ATP8B1: variants seen among roughly 807,000 people sequenced by gnomAD.
The protein encoded by ATP8B1 is phospholipid-transporting ATPase IC.
A neutral mutation model predicts 149.9 loss-of-function variants in ATP8B1; 80 were observed. The ratio of observed to expected loss-of-function variants is 0.53; its 90% CI spans 0.45 to 0.64. The LOEUF is 0.64. Among genes scored for constraint, ATP8B1 ranks in the 30% least tolerant of loss-of-function variants. The pLI, the probability that ATP8B1 is intolerant of heterozygous loss-of-function variation, is 0.00. For missense variants in ATP8B1, 1,247 were observed against 1,552.6 expected (o/e 0.80, Z 3.31); for synonymous variants, 536 against 562.8 (o/e 0.95, Z 0.67).
chr18:57,655,441 C>T, intron 22 of ATP8B1, 24 bp from the exon 23 acceptor site: 1 of 1,603,578 alleles, frequency 6.2e-7, no homozygotes, highest in South Asian at 1.1e-5. Flanking sequence ...GGAGAAAACA[C>T]TGTGGATCAT....
At position 57,706,537 on chromosome 18, in the gene ATP8B1, G is replaced by A. The variant is rs2049029795; in HGVS notation, c.232C>T (p.His78Tyr). 5.6e-6 allele frequency: 9 copies of A among 1,614,090 alleles called. No individual in the cohort carries two copies. Among genetic ancestry groups the A allele is most frequent in the Non-Finnish European group, 7.6e-6 (9 of 1,179,994 alleles). The change falls in exon 3 of 28, where the codon CAC becomes TAC. Residue 78 changes from histidine (H) to tyrosine (Y), a missense_variant. Physicochemically the swap from His to Tyr is moderately conservative, Grantham distance 83 (BLOSUM62 2). This residue lies in a region of ATP8B1 where 853 missense variants were observed against 1,035.7 expected (regional missense o/e 0.82). Coordinates refer to ENST00000648908, the MANE Select transcript of ATP8B1 (RefSeq NM_001374385.1). ...CACAAGAATTTTGTGTTCATAAAGT[G>A]AGGTTGTTCGTGGTACTTGCGATCG... Reference protein sequence around the residue: ...ANDRKYHEQPHFMNTKFLCIK... With the variant: ...ANDRKYHEQPYFMNTKFLCIK...
At chr18:57,702,226 T>C (rs1389867130) in intron 4 of ATP8B1, among the ~76,000 whole-genome samples, 1 of 152,198 alleles carries the variant, frequency 6.6e-6, no homozygotes, top group African/African-American at 2.4e-5. Flanking sequence ...CCTTCCTCCA[T>C]CAAGACAGCC....
intron 1 of ATP8B1, among the ~76,000 whole-genome samples, chr18:57,780,209 T>C (rs969468063): frequency 2.0e-5 from 3 of 152,240 alleles, no homozygotes; most frequent in African/African-American, 7.2e-5. Flanking sequence ...CATTAGTTTT[T>C]AATCTTTTGC....
In ATP8B1 at chr18:57,688,461, G is replaced by A; in HGVS notation, c.1267C>T (p.Leu423=). The A allele has an allele frequency of 6.2e-7, 1 of 1,614,184 alleles. No homozygotes were observed. Among genetic ancestry groups the A allele is most frequent in the Non-Finnish European group, 8.5e-7 (1 of 1,180,046 alleles). ...TCCTTCTCAGCATAGTACATTTGCA[G>A]GTCCCAGTTGATGAAGTGACTCTGT... ...LGQSHFINWD[L]QMYYAEKDTP... The change falls in exon 13 of 28, where the codon CTG becomes TTG. Residue 423 remains leucine (L), a synonymous_variant. Transcript: ENST00000648908.
chr18:57,731,705 C>G lies in ATP8B1; in HGVS notation c.103G>C (p.Asp35His), dbSNP rs2079767416. 1 of 1,614,036 alleles carries G rather than the reference C, an allele frequency of 6.2e-7. No individual in the cohort carries two copies. The highest frequency in any genetic ancestry group is 1.7e-5 in the Admixed American group (1 of 59,986). ...SDDETEDELDDQGSAVEPEQN... is the reference protein window; with the variant it reads ...SDDETEDELDHQGSAVEPEQN... The stretch of plus-strand genomic sequence containing the variant: ...TCTGGTTCAACAGCAGACCCCTGGT[C>G]ATCAAGTTCATCTTCTGTTTCATCA... Residue 35 changes from aspartate (D) to histidine (H), a missense_variant, in exon 2 of 28, where the codon GAC (aspartate) becomes CAC (histidine). By Grantham distance (81) the Asp-to-His change is moderately conservative (BLOSUM62 -1). Around this residue, in one of 3 missense-constraint regions of ATP8B1, gnomAD observed 853 missense variants for 1,035.7 expected, o/e 0.82. Coordinates refer to ENST00000648908, the MANE Select transcript of ATP8B1 (RefSeq NM_001374385.1).
Position 57,655,402 on chromosome 18 carries a change from A to C in ATP8B1, c.2723T>G (p.Val908Gly). Residue 908 changes from valine (V) to glycine (G), a missense_variant, in exon 23 of 28, where the codon GTT (valine) becomes GGT (glycine). Val to Gly is a moderately radical substitution (Grantham distance 109). Coordinates refer to ENST00000648908, the MANE Select transcript of ATP8B1 (RefSeq NM_001374385.1). Reference sequence around the variant, plus strand: ...CATTCCTTCTTGTCCACTTATTCCAACGCCAATGTGGGCAGCTATGGGGCA... The same window carrying C: ...CATTCCTTCTTGTCCACTTATTCCACCGCCAATGTGGGCAGCTATGGGGCA... ...VNMIKTAHIG[V>G]GISGQEGMQA... is the part of the protein sequence containing the mutation. The C allele has an allele frequency of 1.2e-6, 2 of 1,614,202 alleles. No homozygotes were observed. Among genetic ancestry groups the C allele is most frequent in the African/African-American group, 2.7e-5 (2 of 75,070 alleles).
intron 9 of ATP8B1, 46 bp downstream of exon 9, chr18:57,695,404 C>G (rs2122894151): frequency 6.3e-7 from 1 of 1,592,868 alleles, no homozygotes; most frequent in East Asian, 2.2e-5. Context: ...GGAATTGAAC[C>G]AAGCAACTAA....
intron 1 of ATP8B1, among the ~76,000 whole-genome samples, chr18:57,788,352 G>T (rs1378900269): frequency 6.6e-6 from 1 of 152,158 alleles, no homozygotes; most frequent in Non-Finnish European, 1.5e-5. Context: ...CCAGGAGTTT[G>T]AGATCAGCTT....
intron 1 of ATP8B1, among the ~76,000 whole-genome samples, chr18:57,778,186 T>C (rs1017253781): frequency 1.3e-5 from 2 of 152,112 alleles, no homozygotes; most frequent in African/African-American, 4.8e-5. Context: ...ATTTAGCAGT[T>C]TGAACCACAA....
At chr18:57,650,563 C>T in intron 26 of ATP8B1, 66 bp from the exon 27 acceptor site, 2 of 1,574,326 alleles carry the variant, frequency 1.3e-6, no homozygotes, top group African/African-American at 1.4e-5. Flanking sequence ...TAATATTTCG[C>T]CAGGTGTGGT....
intron 1 of ATP8B1, among the ~76,000 whole-genome samples, chr18:57,751,462 A>G (rs1266486512): frequency 2.6e-5 from 4 of 151,956 alleles, no homozygotes; most frequent in Non-Finnish European, 2.9e-5. Flanking sequence ...TTGAAAAAAA[A>G]AAAAAGGGAA....
intron 1 of ATP8B1, among the ~76,000 whole-genome samples, chr18:57,801,432 A>T (rs574784588): frequency 6.1e-4 from 93 of 152,376 alleles, no homozygotes; most frequent in African/African-American, 2.1e-3. Context: ...AGCATTAATC[A>T]TCTTGTGCAC....
In ATP8B1 at chr18:57,683,930, G is replaced by A. The variant is rs371373402; in HGVS notation, c.1630+106C>T. The stretch of plus-strand genomic sequence containing the variant: ...AGAAATATTCACTGCATTCTAATAT[G>A]AGACAGATTTGTGTACTACTTGACA... On this transcript the variant is annotated intron_variant, in intron 15 of 27. Transcript: ENST00000648908. 154 of 1,393,346 alleles carry A rather than the reference G, an allele frequency of 1.1e-4. No individual in the cohort carries two copies. In the African/African-American group the frequency reaches 1.9e-3, roughly 17 times the overall value. 86.3% of individuals were successfully genotyped at this position (1,393,346 alleles called of 1,614,324 possible).
intron 3 of ATP8B1, among the ~76,000 whole-genome samples, 189 bp from the exon 4 acceptor site, chr18:57,704,857 G>A (rs1436358020): frequency 2.0e-5 from 3 of 152,168 alleles, no homozygotes; most frequent in Admixed American, 2.0e-4. Flanking sequence ...ACCGAGGTGG[G>A]TGGATCACCT....
Position 57,652,614 on chromosome 18 carries a change from G to A in ATP8B1, c.3131C>T (p.Ser1044Leu). ...AAGAGGTATGAAGAAGAGGATCATC[G>A]ATGTTAGGACCCCATGCAACAAGCT... The part of the protein sequence containing the change: ...FVSLLHGVLT[S>L]MILFFIPLGA... The change falls in exon 25 of 28, where the codon TCG becomes TTG. Residue 1044 changes from serine (S) to leucine (L), a missense_variant. Transcript: ENST00000648908. 6.8e-6 allele frequency: 11 copies of A among 1,614,144 alleles called. No individual in the cohort carries two copies. Among genetic ancestry groups the A allele is most frequent in the African/African-American group, 2.7e-5 (2 of 75,038 alleles).
intron 2 of ATP8B1, among the ~76,000 whole-genome samples, chr18:57,725,615 A>G (rs2079698613): frequency 6.6e-6 from 1 of 152,224 alleles, no homozygotes; most frequent in Non-Finnish European, 1.5e-5. Context: ...GAATCACACT[A>G]CCTGACTTCA....
chr18:57,674,965 C>T lies in ATP8B1; in HGVS notation c.1688G>A (p.Arg563Lys). 2 of 1,614,238 alleles carry T rather than the reference C, an allele frequency of 1.2e-6. No individual in the cohort carries two copies. Residue 563 changes from arginine to lysine, a missense_variant, in exon 16 of 28, where the codon AGG becomes AAG. Physicochemically the swap from Arg to Lys is conservative, Grantham distance 26 (BLOSUM62 2). This residue lies in a region of ATP8B1 where 853 missense variants were observed against 1,035.7 expected (regional missense o/e 0.82). Coordinates refer to ENST00000648908, the MANE Select transcript of ATP8B1 (RefSeq NM_001374385.1). ...PDEGALVNAA[R>K]NFGFAFLART... ...GGCGAGGAAGGCAAAGCCAAAGTTC[C>T]TGGCAGCGTTTACCAGGGCACCTTC...
At chr18:57,788,598 G>A (rs899031195) in intron 1 of ATP8B1, among the ~76,000 whole-genome samples, 8 of 151,324 alleles carry the variant, frequency 5.3e-5, no homozygotes, top group African/African-American at 1.7e-4. Context: ...AAAATTAACT[G>A]CTCATCACTG....
intron 6 of ATP8B1, 58 bp from the exon 7 acceptor site, chr18:57,697,925 A>G (rs931057807): frequency 7.0e-7 from 1 of 1,435,680 alleles, no homozygotes; most frequent in East Asian, 2.3e-5. Context: ...CAAGGGAATT[A>G]CTATTCTTTC....
Sources: allele counts gnomAD v4.1 joint callset (sites outside exome capture counted in the v4.1 genomes callset), GRCh38; gene constraint gnomAD v4.1.1; regional missense constraint gnomAD v4.1.1; transcripts MANE v1.5; gene names NCBI Gene and HGNC (gene_info 2026-07-23, HGNC 2026-07-21).